Variants in HMCN2 observed in about 807,000 individuals in gnomAD.
HMCN2 encodes the protein hemicentin-2.
A neutral mutation model predicts 377.5 loss-of-function variants in HMCN2; 325 were observed. That is an observed-to-expected ratio of 0.86 (90% CI 0.79 to 0.94). HMCN2 has a LOEUF of 0.94. Ranked by LOEUF, HMCN2 falls within the 40% of genes least tolerant of loss-of-function variation. HMCN2 has a pLI of 0.00. For synonymous variants in HMCN2, 2,007 were observed against 2,046.8 expected, an observed-to-expected ratio of 0.98 and a Z score of 0.53; for missense variants, 4,543 against 4,725.3, an observed-to-expected ratio of 0.96 and a Z score of 1.13.
chr9:130,385,552 GC>G lies in HMCN2; in HGVS notation c.9107-3del. ...GCAGCACCTCACTCTGCTATCTCCT[GC>G]CCCCAGTTCCCCCGGCCTTCAGGCA... On this transcript the variant is annotated splice_polypyrimidine_tract_variant and splice_region_variant and intron_variant, in intron 59 of 97. Transcript: ENST00000683500. The G allele has an allele frequency of 1.5e-6, 2 of 1,303,422 alleles. No individual in the cohort carries two copies. Among genetic ancestry groups the G allele is most frequent in the Non-Finnish European group, 2.0e-6 (2 of 988,282 alleles). The allele number at this position is 1,303,422 out of a possible 1,614,324, so 80.7% of individuals were successfully genotyped here.
rs1394727034 is a variant in HMCN2, at chr9:130,393,136, GTC to G, written c.10137-69_10137-68del. The G allele has an allele frequency of 2.2e-6, 2 of 913,536 alleles. No homozygotes were observed. The highest frequency in any genetic ancestry group is 3.6e-5 in the African/African-American group (2 of 55,776). The allele number at this position is 913,536 out of a possible 1,614,324, so 56.6% of individuals were successfully genotyped here. On this transcript the variant is annotated intron_variant, in intron 66 of 97. Coordinates refer to ENST00000683500, the MANE Select transcript of HMCN2 (RefSeq NM_001291815.2). The surrounding 1 kb of genome is among the most constrained non-coding windows in gnomAD (Gnocchi z 5.2). ...TCTTTCCACGCAGCCAGCCTCTCCTGTCTCTCTCCCTTTCTCTTCCTCTCTCT... is the reference window on the plus strand; with the variant it reads ...TCTTTCCACGCAGCCAGCCTCTCCTGTCTCTCCCTTTCTCTTCCTCTCTCT...
rs1842518933 is a variant in HMCN2 at position 130,394,779 on chromosome 9, G to A, written c.10692+204G>A. ...AGGGCCCAGGCTGATGCCAAAACCA[G>A]GTGACCCCATCTAGGCCAGAGGAGG... is the stretch of plus-strand genomic sequence containing the variant. On this transcript the variant is annotated intron_variant, in intron 69 of 97. Transcript: ENST00000683500. The surrounding 1 kb of genome is among the most constrained non-coding windows in gnomAD (Gnocchi z 5.1). Among the ~76,000 whole-genome samples, 1 of 152,212 alleles carries A rather than the reference G, an allele frequency of 6.6e-6. No individual in the cohort carries two copies. The highest frequency in any genetic ancestry group is 2.1e-4 in the South Asian group (1 of 4,832).
At position 130,357,934 on chromosome 9, in the gene HMCN2, C is replaced by T; in HGVS notation, c.5526C>T (p.Ser1842=). 7.7e-7 allele frequency: 1 copy of T among 1,304,194 alleles called. No individual in the cohort carries two copies. Among genetic ancestry groups the T allele is most frequent in the Non-Finnish European group, 1.0e-6 (1 of 988,896 alleles). The allele number at this position is 1,304,194 out of a possible 1,614,324, so 80.8% of individuals were successfully genotyped here. A position where few individuals can be genotyped will look rare whatever the true frequency, so the allele number is the denominator to read the frequency against. ...TAGGGGATGGGGTGCCCACCCCAAGCCTCCGTTGGTGGAAGGATGGTGTAG... is the reference window on the plus strand; with the variant it reads ...TAGGGGATGGGGTGCCCACCCCAAGTCTCCGTTGGTGGAAGGATGGTGTAG... ...QCIGDGVPTP[S]LRWWKDGVAL... Residue 1842 remains serine (S), a synonymous_variant, in exon 35 of 98, where the codon AGC becomes AGT. Coordinates refer to ENST00000683500, the MANE Select transcript of HMCN2 (RefSeq NM_001291815.2).
At chr9:130,336,278 A>G (rs1490265038) in intron 22 of HMCN2, among the ~76,000 whole-genome samples, 1 of 152,242 alleles carries the variant, frequency 6.6e-6, no homozygotes, top group Non-Finnish European at 1.5e-5. Flanking sequence ...CCCTACATAT[A>G]TACTCATGAT....
intron 15 of HMCN2, among the ~76,000 whole-genome samples, chr9:130,312,681 T>C (rs1475859872): frequency 6.7e-6 from 1 of 148,974 alleles, no homozygotes; most frequent in Non-Finnish European, 1.5e-5. Context: ...TTTCCTTCTT[T>C]CTTTTATGGA....
intron 61 of HMCN2, 72 bp downstream of exon 61, chr9:130,386,596 A>G (rs986767102): frequency 2.6e-5 from 27 of 1,028,028 alleles, no homozygotes; most frequent in Middle Eastern, 6.7e-4. Context: ...CAAGGAGGAC[A>G]AAGACAATAG....
intron 85 of HMCN2, among the ~76,000 whole-genome samples, chr9:130,417,871 C>T (rs1843781316): frequency 6.6e-6 from 1 of 152,238 alleles, no homozygotes; most frequent in Non-Finnish European, 1.5e-5. Flanking sequence ...GTTGCATTTC[C>T]ACCTCAGTGT....
chr9:130,349,678 C>A lies in HMCN2; in HGVS notation c.4430+15C>A, dbSNP rs1356283523. On this transcript the variant is annotated intron_variant, in intron 29 of 97. Transcript: ENST00000683500. Reference sequence around the variant, plus strand: ...AAGGACAGGCAGTGAGTGCCCCCCTCCCCGAGGATGGCGTGTGGTGGTGCC... The same window carrying A: ...AAGGACAGGCAGTGAGTGCCCCCCTACCCGAGGATGGCGTGTGGTGGTGCC... The A allele has an allele frequency of 7.7e-7, 1 of 1,299,430 alleles. No individual in the cohort carries two copies. Among genetic ancestry groups the A allele is most frequent in the Non-Finnish European group, 1.0e-6 (1 of 985,720 alleles). 80.5% of individuals were successfully genotyped at this position (1,299,430 alleles called of 1,614,324 possible). A position where few individuals can be genotyped will look rare whatever the true frequency, so the allele number is the denominator to read the frequency against.
chr9:130,293,591 G>C (rs1402946832), intron 4 of HMCN2, among the ~76,000 whole-genome samples: 1 of 151,960 alleles, frequency 6.6e-6, no homozygotes, highest in Non-Finnish European at 1.5e-5. Flanking sequence ...GGGAGAGGAG[G>C]GGTATGGAGT....
intron 33 of HMCN2, 50 bp downstream of exon 33, chr9:130,355,904 T>C (rs1347790455): frequency 8.7e-7 from 1 of 1,143,398 alleles, no homozygotes; most frequent in South Asian, 1.3e-5. Flanking sequence ...AGAGAGCGTG[T>C]GCTTTGCGGA....
intron 85 of HMCN2, among the ~76,000 whole-genome samples, chr9:130,418,110 G>C (rs539220953): frequency 6.6e-6 from 1 of 152,306 alleles, no homozygotes; most frequent in African/African-American, 2.4e-5. Context: ...AGTTCTGACA[G>C]ATGGCCCCCC....
Position 130,354,980 on chromosome 9 carries a change from G to C in HMCN2, c.5082G>C (p.Leu1694=), listed in dbSNP as rs1193310947. 2 of 1,299,298 alleles carry C rather than the reference G, an allele frequency of 1.5e-6. No individual in the cohort carries two copies. The highest frequency in any genetic ancestry group is 3.0e-5 in the African/African-American group (2 of 65,976). The allele number at this position is 1,299,298 out of a possible 1,614,324, so 80.5% of individuals were successfully genotyped here. The part of the protein sequence containing the change: ...LESPGEASSG[L]YSCVASSPAG... ...GCCCGGGGGAGGCATCCAGTGGCCTGTACAGCTGTGTGGCCAGCAGTCCTG... is the reference window on the plus strand; with the variant it reads ...GCCCGGGGGAGGCATCCAGTGGCCTCTACAGCTGTGTGGCCAGCAGTCCTG... Residue 1694 remains leucine, a synonymous_variant, in exon 32 of 98, where the codon CTG becomes CTC. Transcript: ENST00000683500.
chr9:130,424,963 C>T, intron 88 of HMCN2, 46 bp from the exon 89 acceptor site: 1 of 1,506,844 alleles, frequency 6.6e-7, no homozygotes, highest in Non-Finnish European at 8.9e-7. Context: ...AGCCTGCGCC[C>T]AGGACCTCCC....
At position 130,382,225 on chromosome 9, in the gene HMCN2, G is replaced by T; in HGVS notation, c.8473G>T (p.Ala2825Ser). The T allele has an allele frequency of 1.0e-6, 1 of 985,860 alleles. No individual in the cohort carries two copies. The highest frequency in any genetic ancestry group is 1.2e-6 in the Non-Finnish European group (1 of 829,940). 61.1% of individuals were successfully genotyped at this position (985,860 alleles called of 1,614,324 possible). A position where few individuals can be genotyped will look rare whatever the true frequency, so the allele number is the denominator to read the frequency against. The change falls in exon 55 of 98, where the codon GCC becomes TCC. Residue 2825 changes from alanine to serine, a missense_variant. Physicochemically the swap from Ala to Ser is moderately conservative, Grantham distance 99. Around this residue, in one of 5 missense-constraint regions of HMCN2, gnomAD observed 736 missense variants for 773.2 expected, o/e 0.95. Coordinates refer to ENST00000683500, the MANE Select transcript of HMCN2 (RefSeq NM_001291815.2). ...GATCCCCCTGGTGCGGGCAGAGAAC[G>T]CCGGGAGGTACTCGTGCAAGGCCTC... ...LQIPLVRAENAGRYSCKASNE... is the reference protein window; with the variant it reads ...LQIPLVRAENSGRYSCKASNE...
At chr9:130,397,813 C>CG (rs2131701492) in intron 74 of HMCN2, among the ~76,000 whole-genome samples, 158 bp downstream of exon 74, 1 of 152,224 alleles carries the variant, frequency 6.6e-6, no homozygotes, top group South Asian at 2.1e-4. Context: ...CATGCACACT[C>CG]AAAGGACACA....
Position 130,424,897 on chromosome 9 carries a change from C to T in HMCN2, c.13503C>T (p.His4501=). The change falls in exon 88 of 98, where the codon CAC becomes CAT. Residue 4501 remains histidine (H), a synonymous_variant. Coordinates refer to ENST00000683500, the MANE Select transcript of HMCN2 (RefSeq NM_001291815.2). The stretch of plus-strand genomic sequence containing the variant: ...GGGGCAGGTTCCGGCAGGAGTCACA[C>T]GTGGAGTTTGCTACAGGTAAACAGG... ...LTGGRFRQES[H]VEFATGELLT... is the part of the protein sequence containing the mutation. 5 of 1,461,164 alleles carry T rather than the reference C, an allele frequency of 3.4e-6. No individual in the cohort carries two copies. The highest frequency in any genetic ancestry group is 2.5e-5 in the East Asian group (1 of 39,620). The allele number at this position is 1,461,164 out of a possible 1,614,324, so 90.5% of individuals were successfully genotyped here.
Position 130,394,494 on chromosome 9 carries a change from C to G in HMCN2, c.10611C>G (p.Thr3537=). ...AGGGCACCCCCCAGCCCAACATCAC[C>G]TGGCATAAGGACGGGCAGGCCCTGA... ...DAQGTPQPNI[T]WHKDGQALTR... Residue 3537 remains threonine (T), a synonymous_variant, in exon 69 of 98, where the codon ACC becomes ACG. Transcript: ENST00000683500. The surrounding 1 kb of genome is among the most constrained non-coding windows in gnomAD (Gnocchi z 5.1). 2 of 1,289,880 alleles carry G rather than the reference C, an allele frequency of 1.6e-6. No individual in the cohort carries two copies. The highest frequency in any genetic ancestry group is 2.0e-6 in the Non-Finnish European group (2 of 988,876). 79.9% of individuals were successfully genotyped at this position (1,289,880 alleles called of 1,614,324 possible).
chr9:130,425,571 G>T, intron 89 of HMCN2, 116 bp from the exon 90 acceptor site: 1 of 760,356 alleles, frequency 1.3e-6, no homozygotes, highest in Non-Finnish European at 2.2e-6. Flanking sequence ...TTGGGGTAAG[G>T]GTCTCAGGCT....
At position 130,431,359 on chromosome 9, in the gene HMCN2, C is replaced by T. The variant is rs573997256; in HGVS notation, c.14648-8C>T. 60 of 1,548,912 alleles carry T rather than the reference C, an allele frequency of 3.9e-5. 1 individual carries two copies. The highest frequency in any genetic ancestry group is 1.8e-4 in the South Asian group (15 of 83,938). On this transcript the variant is annotated splice_polypyrimidine_tract_variant and splice_region_variant and intron_variant, in intron 95 of 97. Transcript: ENST00000683500. Reference sequence around the variant, plus strand: ...CCCCCACCTGCCCCACCCCCATGCCCGGGCCAGACCTTGACGAGTGCCGCG... The same window carrying T: ...CCCCCACCTGCCCCACCCCCATGCCTGGGCCAGACCTTGACGAGTGCCGCG...
Sources: allele counts gnomAD v4.1 joint callset (sites outside exome capture counted in the v4.1 genomes callset), GRCh38; gene constraint gnomAD v4.1.1; regional missense constraint gnomAD v4.1.1; non-coding constraint Gnocchi (gnomAD v3.1); transcripts MANE v1.5; gene names NCBI Gene and HGNC (gene_info 2026-07-23, HGNC 2026-07-21).